RAB5B: variants seen among roughly 807,000 people sequenced by gnomAD.
RAB5B encodes RAB5B, member RAS oncogene family, also known as ras-related protein Rab-5B.
RAB5B carries 11 observed loss-of-function variants against 28.6 expected under a neutral mutation model. That is an observed-to-expected ratio of 0.38 (90% CI 0.24 to 0.64). The LOEUF (loss-of-function observed/expected upper bound fraction) is 0.64. RAB5B is among the 30% of genes least tolerant of loss of function. RAB5B has a pLI of 0.53. For missense variants in RAB5B, 169 were observed against 265.6 expected (o/e 0.64, Z 2.53); for synonymous variants, 93 against 97.9 (o/e 0.95, Z 0.29).
Position 55,992,366 on chromosome 12 carries a change from A to G in RAB5B, c.*154A>G. 1 of 717,416 alleles carries G rather than the reference A, an allele frequency of 1.4e-6. No homozygotes were observed. The highest frequency in any genetic ancestry group is 2.5e-6 in the Non-Finnish European group (1 of 407,778). 44.4% of individuals were successfully genotyped at this position (717,416 alleles called of 1,614,324 possible). A position where few individuals can be genotyped will look rare whatever the true frequency, so the allele number is the denominator to read the frequency against. On this transcript the variant is annotated 3_prime_UTR_variant, in exon 6 of 6. Coordinates refer to ENST00000360299, the MANE Select transcript of RAB5B (RefSeq NM_002868.4). ...TGACAGCTCCGTCATGGCACTTTTT[A>G]ACGCTTCAGCAACAAACACCAGGCA...
chr12:55,981,584 T>C (rs554490063), intron 1 of RAB5B, among the ~76,000 whole-genome samples: 1 of 152,152 alleles, frequency 6.6e-6, no homozygotes, highest in South Asian at 2.1e-4. Context: ...GACTCAAAGC[T>C]AACAAGTGGA....
chr12:55,975,307 C>G (rs1205387087), intron 1 of RAB5B, among the ~76,000 whole-genome samples: 6 of 152,120 alleles, frequency 3.9e-5, no homozygotes, highest in Admixed American at 3.9e-4. Flanking sequence ...GCGGTGATAT[C>G]ACTGAGGAAG....
chr12:55,991,940 AG>A, intron 5 of RAB5B, 156 bp from the exon 6 acceptor site: 1 of 590,364 alleles, frequency 1.7e-6, no homozygotes. Context: ...AAAAAAAAAA[AG>A]TTTGCAAATA....
rs1457688488 is a variant in RAB5B, at chr12:55,974,102, A to G, written c.-130A>G. 6.6e-6 allele frequency: 1 copy of G among 152,562 alleles called. No homozygotes were observed. Among genetic ancestry groups the G allele is most frequent in the Non-Finnish European group, 1.5e-5 (1 of 68,288 alleles). The allele number at this position is 152,562 out of a possible 1,614,324, so 9.5% of individuals were successfully genotyped here. ...TGAGCTGCAGCTGTTTGTCTGTTCG[A>G]CACAGGCTTGGGGCCGACGGGGGAG... On this transcript the variant is annotated 5_prime_UTR_variant, in exon 1 of 6. Transcript: ENST00000360299.
chr12:55,976,007 C>T (rs1483364937), intron 1 of RAB5B, among the ~76,000 whole-genome samples: 1 of 152,074 alleles, frequency 6.6e-6, no homozygotes, highest in Non-Finnish European at 1.5e-5. Flanking sequence ...ACCTCGGCCT[C>T]CCAAAGTGCT....
chr12:55,996,003 A>ATATATATATATATATTTT lies in RAB5B; in HGVS notation c.*3792_*3793insATATATATATATATTTTT. ...TATATACATATATATATATATATAT[A>ATATATATATATATATTTT]TTTTTTTTTTAACAACTGGTAGGAT... is the stretch of plus-strand genomic sequence containing the variant. On this transcript the variant is annotated 3_prime_UTR_variant, in exon 6 of 6. Transcript: ENST00000360299. 1.2e-3 allele frequency: 117 copies of ATATATATATATATATTTT among 97,324 alleles called. No individual in the cohort carries two copies. Among genetic ancestry groups the ATATATATATATATATTTT allele is most frequent in the Non-Finnish European group, 1.7e-3 (84 of 50,430 alleles). 6.0% of individuals were successfully genotyped at this position (97,324 alleles called of 1,614,324 possible). A position where few individuals can be genotyped will look rare whatever the true frequency, so the allele number is the denominator to read the frequency against.
intron 1 of RAB5B, among the ~76,000 whole-genome samples, chr12:55,978,969 C>T (rs996505676): frequency 6.6e-6 from 1 of 152,014 alleles, no homozygotes; most frequent in Non-Finnish European, 1.5e-5. Flanking sequence ...GACGGGGTTT[C>T]ACCATATTGG....
rs1448318269 is a variant in RAB5B, at chr12:55,974,085, A to C, written c.-147A>C. On this transcript the variant is annotated 5_prime_UTR_variant, in exon 1 of 6. Coordinates refer to ENST00000360299, the MANE Select transcript of RAB5B (RefSeq NM_002868.4). ...GGGCAGGAGGGTTTGGTTGAGCTGC[A>C]GCTGTTTGTCTGTTCGACACAGGCT... 6.6e-5 allele frequency: 10 copies of C among 152,562 alleles called. No individual in the cohort carries two copies. Among genetic ancestry groups the C allele is most frequent in the Admixed American group, 4.6e-4 (7 of 15,294 alleles). The allele number at this position is 152,562 out of a possible 1,614,324, so 9.5% of individuals were successfully genotyped here. A position where few individuals can be genotyped will look rare whatever the true frequency, so the allele number is the denominator to read the frequency against.
Position 55,992,692 on chromosome 12 carries a change from T to TAAGGGC in RAB5B, c.*481_*486dup. ...AAGGAGGTTTCCAGTTCATTTACATTAAGGGCCCTGGGGGAGAATAAAGCT... is the reference window on the plus strand; with the variant it reads ...AAGGAGGTTTCCAGTTCATTTACATTAAGGGCAAGGGCCCTGGGGGAGAATAAAGCT... On this transcript the variant is annotated 3_prime_UTR_variant, in exon 6 of 6. Coordinates refer to ENST00000360299, the MANE Select transcript of RAB5B (RefSeq NM_002868.4). 2.6e-6 allele frequency: 1 copy of TAAGGGC among 383,260 alleles called. No homozygotes were observed. Among genetic ancestry groups the TAAGGGC allele is most frequent in the South Asian group, 2.0e-5 (1 of 49,414 alleles). The allele number at this position is 383,260 out of a possible 1,614,324, so 23.7% of individuals were successfully genotyped here.
Position 55,996,003 on chromosome 12 carries a change from A to ATATATATATT in RAB5B, c.*3792_*3793insATATATATTT. 2.1e-5 allele frequency: 2 copies of ATATATATATT among 97,406 alleles called. No homozygotes were observed. Among genetic ancestry groups the ATATATATATT allele is most frequent in the Non-Finnish European group, 4.0e-5 (2 of 50,480 alleles). The allele number at this position is 97,406 out of a possible 1,614,324, so 6.0% of individuals were successfully genotyped here. A position where few individuals can be genotyped will look rare whatever the true frequency, so the allele number is the denominator to read the frequency against. On this transcript the variant is annotated 3_prime_UTR_variant, in exon 6 of 6. Coordinates refer to ENST00000360299, the MANE Select transcript of RAB5B (RefSeq NM_002868.4). ...TATATACATATATATATATATATAT[A>ATATATATATT]TTTTTTTTTTAACAACTGGTAGGAT... is the stretch of plus-strand genomic sequence containing the variant.
intron 1 of RAB5B, among the ~76,000 whole-genome samples, chr12:55,981,541 A>C (rs1002700311): frequency 6.6e-6 from 1 of 151,996 alleles, no homozygotes; most frequent in Non-Finnish European, 1.5e-5. Flanking sequence ...TAGGTGATAG[A>C]CTTCTGGAGA....
chr12:55,993,574 C>T lies in RAB5B; in HGVS notation c.*1362C>T, dbSNP rs1394221007. Reference sequence around the variant, plus strand: ...TCCATTACCATGTCTTTTCTACTTCCTTGTAAATAGGTATGATCTTTATTC... The same window carrying T: ...TCCATTACCATGTCTTTTCTACTTCTTTGTAAATAGGTATGATCTTTATTC... On this transcript the variant is annotated 3_prime_UTR_variant, in exon 6 of 6. Coordinates refer to ENST00000360299, the MANE Select transcript of RAB5B (RefSeq NM_002868.4). The T allele has an allele frequency of 6.6e-6, 1 of 152,578 alleles. No individual in the cohort carries two copies. Among genetic ancestry groups the T allele is most frequent in the African/African-American group, 2.4e-5 (1 of 41,426 alleles). The allele number at this position is 152,578 out of a possible 1,614,324, so 9.5% of individuals were successfully genotyped here.
Position 55,990,086 on chromosome 12 carries a change from C to G in RAB5B, c.303C>G (p.Asp101Glu). The change falls in exon 3 of 6, where the codon GAC becomes GAG. Residue 101 changes from aspartate to glutamate, a missense_variant. By Grantham distance (45) the Asp-to-Glu change is conservative. Around this residue, in one of 3 missense-constraint regions of RAB5B, gnomAD observed 123 missense variants for 162.4 expected, o/e 0.76. Coordinates refer to ENST00000360299, the MANE Select transcript of RAB5B (RefSeq NM_002868.4). Reference protein sequence around the residue: ...RGAQAAIVVYDITNQETFARA... With the variant: ...RGAQAAIVVYEITNQETFARA... Reference sequence around the variant, plus strand: ...CCCAAGCTGCAATCGTGGTTTACGACATTACTAATCAGGTAAGTGAGCTAA... The same window carrying G: ...CCCAAGCTGCAATCGTGGTTTACGAGATTACTAATCAGGTAAGTGAGCTAA... 1 of 1,613,634 alleles carries G rather than the reference C, an allele frequency of 6.2e-7. No homozygotes were observed. The highest frequency in any genetic ancestry group is 8.5e-7 in the Non-Finnish European group (1 of 1,179,756).
chr12:55,989,248 C>G (rs1184322233), intron 2 of RAB5B, among the ~76,000 whole-genome samples: 1 of 151,436 alleles, frequency 6.6e-6, no homozygotes, highest in African/African-American at 2.4e-5. Context: ...AGCCAATCCT[C>G]TAATTAATTC....
rs1890204451 is a variant in RAB5B, at chr12:55,993,702, C to T, written c.*1490C>T. The T allele has an allele frequency of 6.6e-6, 1 of 152,642 alleles. No individual in the cohort carries two copies. The highest frequency in any genetic ancestry group is 1.5e-5 in the Non-Finnish European group (1 of 68,066). 9.5% of individuals were successfully genotyped at this position (152,642 alleles called of 1,614,324 possible). ...GTCCCTCCATCCTTAATCCCCCCATCCCTCCCCATCATGCAACCAGTGGTT... is the reference window on the plus strand; with the variant it reads ...GTCCCTCCATCCTTAATCCCCCCATTCCTCCCCATCATGCAACCAGTGGTT... On this transcript the variant is annotated 3_prime_UTR_variant, in exon 6 of 6. Coordinates refer to ENST00000360299, the MANE Select transcript of RAB5B (RefSeq NM_002868.4).
rs879562910 is a variant in RAB5B, at chr12:55,992,442, C to G, written c.*230C>G. 7 of 672,086 alleles carry G rather than the reference C, an allele frequency of 1.0e-5. No individual in the cohort carries two copies. Among genetic ancestry groups the G allele is most frequent in the Non-Finnish European group, 1.9e-5 (7 of 367,146 alleles). The allele number at this position is 672,086 out of a possible 1,614,324, so 41.6% of individuals were successfully genotyped here. A position where few individuals can be genotyped will look rare whatever the true frequency, so the allele number is the denominator to read the frequency against. On this transcript the variant is annotated 3_prime_UTR_variant, in exon 6 of 6. Transcript: ENST00000360299. ...CTACTCTGGGGCTTGGGGGTCAACT[C>G]CCCCCAGGACTTACCTTCCAAAACA...
At chr12:55,989,493 C>T (rs551251918) in intron 2 of RAB5B, among the ~76,000 whole-genome samples, 4 of 152,040 alleles carry the variant, frequency 2.6e-5, no homozygotes, top group Non-Finnish European at 5.9e-5. Context: ...AGACTGGTCT[C>T]GAACTCCTGA....
In RAB5B at chr12:55,992,370, C is replaced by A; in HGVS notation, c.*158C>A. The A allele has an allele frequency of 1.4e-6, 1 of 711,864 alleles. No homozygotes were observed. Among genetic ancestry groups the A allele is most frequent in the Non-Finnish European group, 2.5e-6 (1 of 402,692 alleles). The allele number at this position is 711,864 out of a possible 1,614,324, so 44.1% of individuals were successfully genotyped here. ...AGCTCCGTCATGGCACTTTTTAACG[C>A]TTCAGCAACAAACACCAGGCAGCTG... On this transcript the variant is annotated 3_prime_UTR_variant, in exon 6 of 6. Coordinates refer to ENST00000360299, the MANE Select transcript of RAB5B (RefSeq NM_002868.4).
intron 1 of RAB5B, chr12:55,980,781 T>C: frequency 6.3e-7 from 1 of 1,578,958 alleles, no homozygotes; most frequent in Non-Finnish European, 8.7e-7. Context: ...TATGCTAGGA[T>C]AATGCCCATG....
Sources: allele counts gnomAD v4.1 joint callset (sites outside exome capture counted in the v4.1 genomes callset), GRCh38; gene constraint gnomAD v4.1.1; regional missense constraint gnomAD v4.1.1; transcripts MANE v1.5; gene names NCBI Gene and HGNC (gene_info 2026-07-23, HGNC 2026-07-21).